Variants in GRK3 observed in about 807,000 individuals in gnomAD.
GRK3 encodes the protein G protein-coupled receptor kinase 3, also known as adrenergic, beta, receptor kinase 2.
In GRK3, 54 loss-of-function variants were observed where a neutral mutation model predicts 95.7. The ratio of observed to expected loss-of-function variants is 0.56; its 90% CI spans 0.45 to 0.71. GRK3 has a LOEUF of 0.71. Ranked by LOEUF, GRK3 falls within the 30% of genes least tolerant of loss-of-function variation. The probability of loss-of-function intolerance (pLI) is 0.00; values close to 1 mark genes in which losing one functional copy is unlikely to be tolerated. For missense variants in GRK3, 649 were observed against 851.2 expected (o/e 0.76, Z 2.96); for synonymous variants, 281 against 290.8 (o/e 0.97, Z 0.34).
intron 1 of GRK3, among the ~76,000 whole-genome samples, chr22:25,600,569 A>G (rs2084403038): frequency 6.6e-6 from 1 of 152,274 alleles, no homozygotes; most frequent in African/African-American, 2.4e-5. Flanking sequence ...ACAACTATTT[A>G]CATAGCATTT....
intron 18 of GRK3, among the ~76,000 whole-genome samples, chr22:25,716,503 G>A (rs1296379471): frequency 3.9e-5 from 6 of 152,082 alleles, no homozygotes; most frequent in Non-Finnish European, 7.4e-5. Flanking sequence ...AGAAAGTTTA[G>A]CAAATCAATG....
At chr22:25,605,238 T>A (rs1247885720) in intron 2 of GRK3, among the ~76,000 whole-genome samples, 1 of 152,188 alleles carries the variant, frequency 6.6e-6, no homozygotes, top group Non-Finnish European at 1.5e-5. Flanking sequence ...GCAGATGACA[T>A]TGGTCTGTCT....
chr22:25,596,064 C>G (rs1404050222), intron 1 of GRK3, among the ~76,000 whole-genome samples: 1 of 152,152 alleles, frequency 6.6e-6, no homozygotes, highest in African/African-American at 2.4e-5. Flanking sequence ...CAACCACCCT[C>G]TACAAGAAGG....
At chr22:25,611,723 C>T (rs1208512084) in intron 2 of GRK3, among the ~76,000 whole-genome samples, 2 of 151,926 alleles carry the variant, frequency 1.3e-5, no homozygotes, top group Non-Finnish European at 2.9e-5. Flanking sequence ...TGGTTGGTGG[C>T]TGGAATCCAG....
intron 2 of GRK3, 151 bp downstream of exon 2, chr22:25,604,604 T>A: frequency 2.0e-6 from 1 of 489,654 alleles, no homozygotes. Context: ...ATAAGGTATT[T>A]AATGATGACT....
intron 2 of GRK3, among the ~76,000 whole-genome samples, chr22:25,640,537 T>G (rs940104821): frequency 6.6e-5 from 10 of 152,226 alleles, no homozygotes; most frequent in Admixed American, 2.0e-4. Flanking sequence ...ATGCAGTCTA[T>G]TCTCCTTACT....
chr22:25,678,904 G>A lies in GRK3; in HGVS notation c.736G>A (p.Val246Ile). The A allele has an allele frequency of 8.8e-6, 14 of 1,586,042 alleles. No individual in the cohort carries two copies. Among genetic ancestry groups the A allele is most frequent in the South Asian group, 1.1e-5 (1 of 88,412 alleles). Residue 246 changes from valine (V) to isoleucine (I), a missense_variant, in exon 9 of 21, where the codon GTC becomes ATC. By Grantham distance (29) the Val-to-Ile change is conservative (BLOSUM62 3). Coordinates refer to ENST00000324198, the MANE Select transcript of GRK3 (RefSeq NM_005160.4). ...ALNERIMLSL[V>I]STGDCPFIVC... Reference sequence around the variant, plus strand: ...AAATGAAAGAATCATGTTGTCTCTTGTCAGCACAGGAGTAAGTATTCAATT... The same window carrying A: ...AAATGAAAGAATCATGTTGTCTCTTATCAGCACAGGAGTAAGTATTCAATT...
intron 9 of GRK3, among the ~76,000 whole-genome samples, chr22:25,680,131 T>C (rs2085063488): frequency 6.6e-6 from 1 of 152,226 alleles, no homozygotes; most frequent in South Asian, 2.1e-4. Context: ...GGAAGAGGTA[T>C]TTGCTATTGA....
intron 1 of GRK3, among the ~76,000 whole-genome samples, chr22:25,586,346 C>T (rs1932303481): frequency 6.6e-6 from 1 of 152,260 alleles, no homozygotes; most frequent in South Asian, 2.1e-4. Flanking sequence ...CTTAATTGTA[C>T]ATTTTAAAAT....
intron 2 of GRK3, among the ~76,000 whole-genome samples, chr22:25,614,896 T>G (rs1423170814): frequency 6.6e-6 from 1 of 152,168 alleles, no homozygotes; most frequent in African/African-American, 2.4e-5. Flanking sequence ...AAAAGGCACA[T>G]GGAGAAGACT....
intron 3 of GRK3, among the ~76,000 whole-genome samples, chr22:25,654,839 G>A (rs1461417658): frequency 6.6e-6 from 1 of 152,066 alleles, no homozygotes; most frequent in East Asian, 1.9e-4. Context: ...CTCTTAGCTG[G>A]CATCCTCCCC....
At chr22:25,625,504 C>A (rs2084620858) in intron 2 of GRK3, among the ~76,000 whole-genome samples, 1 of 152,168 alleles carries the variant, frequency 6.6e-6, no homozygotes, top group African/African-American at 2.4e-5. Flanking sequence ...GGTCTAGCGG[C>A]AGCGAAAAGT....
In GRK3 at chr22:25,564,985, G is replaced by A. The variant is rs1330639380; in HGVS notation, c.-56G>A. 5.3e-6 allele frequency: 3 copies of A among 565,376 alleles called. No homozygotes were observed. Among genetic ancestry groups the A allele is most frequent in the Non-Finnish European group, 7.1e-6 (3 of 423,570 alleles). The allele number at this position is 565,376 out of a possible 1,614,324, so 35.0% of individuals were successfully genotyped here. A position where few individuals can be genotyped will look rare whatever the true frequency, so the allele number is the denominator to read the frequency against. ...GGCGCGGCGGGCGGCGGCGGCGGGC[G>A]CGCGTCCCGTCCAGGTCCGGAGTAA... On this transcript the variant is annotated 5_prime_UTR_variant, in exon 1 of 21. Coordinates refer to ENST00000324198, the MANE Select transcript of GRK3 (RefSeq NM_005160.4).
At chr22:25,626,372 G>A (rs2084628456) in intron 2 of GRK3, among the ~76,000 whole-genome samples, 2 of 152,220 alleles carry the variant, frequency 1.3e-5, no homozygotes, top group African/African-American at 4.8e-5. Context: ...TTGGGCAGCT[G>A]TTTTGAGTAG....
chr22:25,636,759 A>G (rs1050070058), intron 2 of GRK3, among the ~76,000 whole-genome samples: 1 of 152,104 alleles, frequency 6.6e-6, no homozygotes, highest in African/African-American at 2.4e-5. Context: ...TTTAAAAACC[A>G]TAGATCAGTT....
At chr22:25,594,113 G>C (rs1189494174) in intron 1 of GRK3, among the ~76,000 whole-genome samples, 1 of 152,048 alleles carries the variant, frequency 6.6e-6, no homozygotes, top group African/African-American at 2.4e-5. Flanking sequence ...ATTAATCTTA[G>C]AATAGTTTTT....
chr22:25,566,907 T>G (rs546600692), intron 1 of GRK3, among the ~76,000 whole-genome samples: 51 of 149,288 alleles, frequency 3.4e-4, no homozygotes, highest in East Asian at 1.2e-3. Flanking sequence ...GTTTTTTTTT[T>G]GGGGGGGGCT....
At chr22:25,624,207 G>T (rs1313100708) in intron 2 of GRK3, among the ~76,000 whole-genome samples, 3 of 152,110 alleles carry the variant, frequency 2.0e-5, no homozygotes, top group African/African-American at 7.2e-5. Flanking sequence ...GTCTCCCTCT[G>T]TGGAAGGCCA....
At chr22:25,601,285 A>G (rs1341241392) in intron 1 of GRK3, among the ~76,000 whole-genome samples, 2 of 152,220 alleles carry the variant, frequency 1.3e-5, no homozygotes, top group African/African-American at 4.8e-5. Flanking sequence ...AACAAATCAT[A>G]AAAGAACTGA....
Sources: gnomAD v4.1 joint callset for allele counts (sites outside exome capture counted in the v4.1 genomes callset) on GRCh38, gnomAD v4.1.1 for gene constraint, MANE v1.5 for transcripts, NCBI Gene and HGNC (gene_info 2026-07-23, HGNC 2026-07-21) for gene names.